CMSS1: variants seen among roughly 807,000 people sequenced by gnomAD.
CMSS1 encodes the protein cms1 ribosomal small subunit homolog.
Under a neutral mutation model 43.5 loss-of-function variants are expected in CMSS1, and 33 were observed. That is an observed-to-expected ratio of 0.76 (90% confidence interval 0.57 to 1.01). The LOEUF is 1.01. Ranked by LOEUF, CMSS1 falls within the 50% of genes least tolerant of loss-of-function variation. The pLI is 0.00. For missense variants in CMSS1, 313 were observed against 326.4 expected (o/e 0.96, Z 0.32); for synonymous variants, 115 against 117.2 (o/e 0.98, Z 0.12).
At chr3:100,129,216 C>T (rs1279419564) in intron 1 of CMSS1, among the ~76,000 whole-genome samples, 1 of 152,216 alleles carries the variant, frequency 6.6e-6, no homozygotes, top group Non-Finnish European at 1.5e-5. Flanking sequence ...AGAACCACAT[C>T]TTCTTCATCT....
chr3:99,856,798 C>T (rs1033794947), intron 1 of CMSS1, among the ~76,000 whole-genome samples: 1 of 152,176 alleles, frequency 6.6e-6, no homozygotes, highest in Non-Finnish European at 1.5e-5. Context: ...TATGTCAGCA[C>T]AGATGTGTGC....
intron 1 of CMSS1, among the ~76,000 whole-genome samples, chr3:100,120,996 C>G (rs1400294615): frequency 2.6e-5 from 4 of 152,152 alleles, no homozygotes; most frequent in Non-Finnish European, 4.4e-5. Context: ...TGTGGCTCAG[C>G]TTTAACTTTG....
rs150405556 is a variant in CMSS1, at chr3:100,031,343, T to C, written c.65-115630T>C. Among the ~76,000 whole-genome samples the C allele has an allele frequency of 2.4e-3, 366 of 152,220 alleles. 1 individual carries two copies. Among genetic ancestry groups the C allele is most frequent in the African/African-American group, 8.3e-3 (345 of 41,532 alleles). On this transcript the variant is annotated intron_variant, in intron 1 of 9. Coordinates refer to ENST00000421999, the MANE Select transcript of CMSS1 (RefSeq NM_032359.4). ...TTTAAACTTTCATCTAGCAGTCCAA[T>C]AGAAATGTTTCCAAAGTTCCTGTTA...
intron 1 of CMSS1, among the ~76,000 whole-genome samples, chr3:99,971,333 CA>C (rs34655586): frequency 8.1e-4 from 98 of 121,460 alleles, no homozygotes; most frequent in Admixed American, 6.9e-4. Flanking sequence ...GAGCCCATCT[CA>C]AAAAAAAAAA....
chr3:99,847,422 A>G (rs1004754387), intron 1 of CMSS1, among the ~76,000 whole-genome samples: 2 of 151,786 alleles, frequency 1.3e-5, no homozygotes, highest in Admixed American at 1.3e-4. Flanking sequence ...TTGGTTGTAG[A>G]CATACATGTT....
chr3:99,822,197 C>T (rs1942452255), intron 1 of CMSS1, among the ~76,000 whole-genome samples: 1 of 152,160 alleles, frequency 6.6e-6, no homozygotes, highest in Admixed American at 6.5e-5. Flanking sequence ...TCTGGAGCCC[C>T]AGGGCCAGAT....
intron 1 of CMSS1, among the ~76,000 whole-genome samples, chr3:99,934,840 G>A (rs1392646412): frequency 1.3e-5 from 2 of 152,164 alleles, no homozygotes; most frequent in Non-Finnish European, 2.9e-5. Flanking sequence ...TTTATACTGT[G>A]TTTGTTATTC....
chr3:100,023,956 C>T (rs2064872656), intron 1 of CMSS1, among the ~76,000 whole-genome samples: 1 of 152,140 alleles, frequency 6.6e-6, no homozygotes, highest in Non-Finnish European at 1.5e-5. Context: ...TCTTTACTTC[C>T]TGGGAACTTA....
intron 1 of CMSS1, among the ~76,000 whole-genome samples, chr3:99,988,254 T>A (rs1020129566): frequency 6.6e-6 from 1 of 150,922 alleles, no homozygotes; most frequent in African/African-American, 2.4e-5. Context: ...TCCCAGCACT[T>A]TGGGAGGCCT....
intron 1 of CMSS1, among the ~76,000 whole-genome samples, chr3:99,965,811 G>T (rs965724897): frequency 6.6e-6 from 1 of 152,210 alleles, no homozygotes; most frequent in Admixed American, 6.5e-5. Context: ...TTTATAAACT[G>T]CATGCTGTTT....
At position 99,820,174 on chromosome 3, in the gene CMSS1, C is replaced by T. The variant is rs1000829553; in HGVS notation, c.64+2131C>T. Reference sequence around the variant, plus strand: ...GTGCCTAAGATTGCTCTACTTCTTACATTCCTTCTAGCCATAAGACTAACC... The same window carrying T: ...GTGCCTAAGATTGCTCTACTTCTTATATTCCTTCTAGCCATAAGACTAACC... On this transcript the variant is annotated intron_variant, in intron 1 of 9. Coordinates refer to ENST00000421999, the MANE Select transcript of CMSS1 (RefSeq NM_032359.4). Among the ~76,000 whole-genome samples, 3 of 151,940 alleles carry T rather than the reference C, an allele frequency of 2.0e-5. No homozygotes were observed. In the East Asian group the frequency reaches 5.8e-4, roughly 29 times the overall value.
At chr3:100,088,877 T>C (rs1315805842) in intron 1 of CMSS1, among the ~76,000 whole-genome samples, 1 of 152,172 alleles carries the variant, frequency 6.6e-6, no homozygotes, top group Admixed American at 6.5e-5. Flanking sequence ...TTCCTTTTTG[T>C]GATGTAAATG....
intron 1 of CMSS1, among the ~76,000 whole-genome samples, chr3:99,978,792 CGA>C (rs1559711579): frequency 6.6e-6 from 1 of 151,782 alleles, no homozygotes; most frequent in Non-Finnish European, 1.5e-5. Context: ...GGCTGAGGCA[CGA>C]GAGTCACTTG....
At chr3:100,029,846 A>G (rs572514116) in intron 1 of CMSS1, among the ~76,000 whole-genome samples, 134 of 152,350 alleles carry the variant, frequency 8.8e-4, no homozygotes, top group Non-Finnish European at 1.4e-3. Flanking sequence ...ATAACATTCT[A>G]GGAGATGTCA....
chr3:99,925,752 TG>T, intron 1 of CMSS1: 1 of 543,172 alleles, frequency 1.8e-6, no homozygotes, highest in Non-Finnish European at 2.3e-6. Context: ...CAAGTGCACT[TG>T]GTGGAAGTGG....
chr3:100,147,357 A>G (rs111371126), intron 2 of CMSS1, among the ~76,000 whole-genome samples: 101 of 137,624 alleles, frequency 7.3e-4, no homozygotes, highest in African/African-American at 2.7e-3. Flanking sequence ...TGCAACCTTG[A>G]CCTTCTGGGC....
chr3:99,902,425 G>A (rs768764643), intron 1 of CMSS1, among the ~76,000 whole-genome samples: 3 of 152,112 alleles, frequency 2.0e-5, no homozygotes, highest in Admixed American at 6.6e-5. Context: ...ATTTCCATGG[G>A]AGGACATGAA....
intron 1 of CMSS1, among the ~76,000 whole-genome samples, chr3:99,906,111 T>C (rs1706607661): frequency 6.6e-6 from 1 of 152,118 alleles, no homozygotes; most frequent in Non-Finnish European, 1.5e-5. Flanking sequence ...GGAGGATCGC[T>C]TGAGCCCAGG....
intron 1 of CMSS1, among the ~76,000 whole-genome samples, chr3:99,997,493 A>G (rs1198341584): frequency 6.6e-6 from 1 of 152,184 alleles, no homozygotes; most frequent in Non-Finnish European, 1.5e-5. Context: ...CTGATACCCC[A>G]GTGGTTCTCA....
Sources: gnomAD v4.1 joint callset for allele counts (sites outside exome capture counted in the v4.1 genomes callset) on GRCh38, gnomAD v4.1.1 for gene constraint, MANE v1.5 for transcripts, NCBI Gene and HGNC (gene_info 2026-07-23, HGNC 2026-07-21) for gene names.